SLC9C2: variants seen among roughly 807,000 people sequenced by gnomAD.
SLC9C2 encodes solute carrier family 9 member C2 (putative).
In SLC9C2, 75 loss-of-function variants were observed where a neutral mutation model predicts 140.2. The ratio of observed to expected loss-of-function variants is 0.53; its 90% CI spans 0.44 to 0.65. The LOEUF (loss-of-function observed/expected upper bound fraction) is 0.65, where lower values mean the gene tolerates loss of function less well. Ranked by LOEUF, SLC9C2 falls within the 30% of genes least tolerant of loss-of-function variation. The pLI is 0.00. For missense variants in SLC9C2, 1,074 were observed against 1,331.8 expected (o/e 0.81, Z 3.01); for synonymous variants, 375 against 420.9 (o/e 0.89, Z 1.34).
intron 4 of SLC9C2, among the ~76,000 whole-genome samples, chr1:173,592,464 T>C (rs972717624): frequency 6.6e-6 from 1 of 152,220 alleles, no homozygotes; most frequent in African/African-American, 2.4e-5. Context: ...GCCATTTTAA[T>C]GATACTGATT....
intron 4 of SLC9C2, among the ~76,000 whole-genome samples, chr1:173,597,611 T>A (rs1328733137): frequency 1.3e-5 from 2 of 152,142 alleles, no homozygotes; most frequent in Non-Finnish European, 2.9e-5. Flanking sequence ...ATTCTGACAT[T>A]TATTATCCTT....
chr1:173,521,667 G>C (rs16846099), intron 21 of SLC9C2, among the ~76,000 whole-genome samples: 7,262 of 151,240 alleles, frequency 0.048, 625 homozygotes, highest in African/African-American at 0.17. Context: ...AACAAACTTT[G>C]ACTTTGTGAT....
In SLC9C2 at chr1:173,534,537, T is replaced by G. The variant is rs1661806718; in HGVS notation, c.1921A>C (p.Ile641Leu). ...AACATAAAATAGTAGTTTATTGATA[T>G]CAGTGCTGATACATTTAAACCTCTT... ...MARGLNVSAL[I>L]SINYYFMFLY... Residue 641 changes from isoleucine (I) to leucine (L), a missense_variant, in exon 16 of 28, where the codon ATA becomes CTA. Ile to Leu is a conservative substitution (Grantham distance 5, BLOSUM62 2). Coordinates refer to ENST00000367714, the MANE Select transcript of SLC9C2 (RefSeq NM_178527.4). 2.5e-6 allele frequency: 4 copies of G among 1,594,946 alleles called. No homozygotes were observed. Among genetic ancestry groups the G allele is most frequent in the Middle Eastern group, 1.7e-4 (1 of 5,964 alleles).
chr1:173,515,458 G>T (rs1660349258), intron 23 of SLC9C2, among the ~76,000 whole-genome samples: 2 of 152,070 alleles, frequency 1.3e-5, no homozygotes, highest in South Asian at 2.1e-4. Context: ...TTCAGCTATT[G>T]ATCCTTGTGC....
intron 4 of SLC9C2, among the ~76,000 whole-genome samples, 193 bp downstream of exon 4, chr1:173,597,711 G>T (rs1424065482): frequency 2.0e-5 from 3 of 152,030 alleles, no homozygotes; most frequent in Non-Finnish European, 2.9e-5. Context: ...TAGTCACAAT[G>T]GTCACTCAGC....
chr1:173,574,716 T>C (rs1352420453), intron 8 of SLC9C2, among the ~76,000 whole-genome samples: 1 of 141,630 alleles, frequency 7.1e-6, no homozygotes, highest in Non-Finnish European at 1.6e-5. Flanking sequence ...TTCACCATGT[T>C]AGCCAGGATG....
chr1:173,567,545 A>G (rs1197381711), intron 9 of SLC9C2, among the ~76,000 whole-genome samples: 1 of 151,930 alleles, frequency 6.6e-6, no homozygotes, highest in Non-Finnish European at 1.5e-5. Context: ...GTCTATATGT[A>G]TCTTTATAGG....
intron 18 of SLC9C2, among the ~76,000 whole-genome samples, chr1:173,528,820 A>G (rs1661379581): frequency 6.6e-6 from 1 of 152,204 alleles, no homozygotes; most frequent in Non-Finnish European, 1.5e-5. Flanking sequence ...AGCTGTTGAT[A>G]CTGTTCACCT....
At chr1:173,546,299 G>A (rs1662841020) in intron 13 of SLC9C2, among the ~76,000 whole-genome samples, 1 of 152,224 alleles carries the variant, frequency 6.6e-6, no homozygotes, top group Non-Finnish European at 1.5e-5. Flanking sequence ...TTGGGAGGGT[G>A]AGGTGGGCAG....
In SLC9C2 at chr1:173,517,670, C is replaced by G. The variant is rs769197994; in HGVS notation, c.2774G>C (p.Ser925Thr). 6.2e-7 allele frequency: 1 copy of G among 1,612,924 alleles called. No homozygotes were observed. Among genetic ancestry groups the G allele is most frequent in the African/African-American group, 1.3e-5 (1 of 74,942 alleles). ...HSLSPTFGIE[S>T]NQRCDRGSRD... The stretch of plus-strand genomic sequence containing the variant: ...GGACCCTCTATCACACCTTTGATTA[C>G]TCTCTATTCCAAAGGTAGGAGATAA... Residue 925 changes from serine (S) to threonine (T), a missense_variant, in exon 23 of 28, where the codon AGT becomes ACT. Coordinates refer to ENST00000367714, the MANE Select transcript of SLC9C2 (RefSeq NM_178527.4).
At chr1:173,597,309 GA>G (rs1282474460) in intron 4 of SLC9C2, among the ~76,000 whole-genome samples, 1 of 151,964 alleles carries the variant, frequency 6.6e-6, no homozygotes, top group Non-Finnish European at 1.5e-5. Context: ...ACTGGATGGT[GA>G]TGAGTACACT....
At chr1:173,569,839 T>C (rs148592877) in intron 9 of SLC9C2, among the ~76,000 whole-genome samples, 5 of 152,156 alleles carry the variant, frequency 3.3e-5, no homozygotes, top group African/African-American at 1.2e-4. Context: ...CTGCCTGGTG[T>C]TCTATTCTAT....
At chr1:173,507,729 G>A (rs1295373026) in intron 24 of SLC9C2, among the ~76,000 whole-genome samples, 3 of 152,174 alleles carry the variant, frequency 2.0e-5, no homozygotes, top group South Asian at 2.1e-4. Context: ...AGAACGCCAC[G>A]TGAATATAAA....
Position 173,521,360 on chromosome 1 carries a change from T to C in SLC9C2, c.2680A>G (p.Ile894Val). 3 of 1,555,800 alleles carry C rather than the reference T, an allele frequency of 1.9e-6. No individual in the cohort carries two copies. The highest frequency in any genetic ancestry group is 2.6e-6 in the Non-Finnish European group (3 of 1,159,024). The change falls in exon 22 of 28, where the codon ATT (isoleucine) becomes GTT (valine). Residue 894 changes from isoleucine to valine, a missense_variant. Transcript: ENST00000367714. The stretch of plus-strand genomic sequence containing the variant: ...TGTGGCATTTCACCTCCTTTACAAA[T>C]GGTATCTCCAGAGTCAAAACAGGCA... ...KLACFDSGDT[I>V]CKGGEMPQGI...
At chr1:173,569,440 A>G (rs1354578121) in intron 9 of SLC9C2, among the ~76,000 whole-genome samples, 2 of 152,008 alleles carry the variant, frequency 1.3e-5, no homozygotes, top group Non-Finnish European at 2.9e-5. Flanking sequence ...TCTTTGGGTT[A>G]AATCTGCTCA....
intron 3 of SLC9C2, among the ~76,000 whole-genome samples, chr1:173,599,082 A>G (rs945386233): frequency 6.6e-6 from 1 of 152,254 alleles, no homozygotes; most frequent in Middle Eastern, 3.4e-3. Context: ...CTCATGATGA[A>G]CACAACTGCT....
At chr1:173,568,679 T>A (rs935661141) in intron 9 of SLC9C2, among the ~76,000 whole-genome samples, 3 of 152,162 alleles carry the variant, frequency 2.0e-5, no homozygotes, top group African/African-American at 4.8e-5. Flanking sequence ...TGGCAGTTCC[T>A]CTTTTAGCTC....
intron 13 of SLC9C2, among the ~76,000 whole-genome samples, chr1:173,540,225 C>T (rs1662283847): frequency 1.3e-5 from 2 of 152,124 alleles, no homozygotes; most frequent in African/African-American, 2.4e-5. Context: ...GCCAAACCTG[C>T]GAGTGAGGAC....
At chr1:173,562,596 T>C (rs1201256714) in intron 9 of SLC9C2, among the ~76,000 whole-genome samples, 1 of 152,204 alleles carries the variant, frequency 6.6e-6, no homozygotes, top group Non-Finnish European at 1.5e-5. Context: ...TTCATCTCTA[T>C]GAATACAACT....
Sources: allele counts gnomAD v4.1 joint callset (sites outside exome capture counted in the v4.1 genomes callset), GRCh38; gene constraint gnomAD v4.1.1; transcripts MANE v1.5; gene names NCBI Gene and HGNC (gene_info 2026-07-23, HGNC 2026-07-21).